The following EXD3 variants were observed in gnomAD, a reference collection of about 807,000 sequenced individuals.
EXD3 encodes the protein exonuclease 3'-5' domain containing 3, also known as exonuclease mut-7 homolog.
Under a neutral mutation model 98.0 loss-of-function variants are expected in EXD3, and 92 were observed. The observed-to-expected ratio is 0.94, with a 90% CI of 0.79 to 1.12. EXD3 has a LOEUF of 1.12. Ranked by LOEUF, EXD3 falls within the 50% of genes most tolerant of loss-of-function variation. The pLI is 0.00. For synonymous variants in EXD3, 569 were observed against 526.0 expected (o/e 1.08, Z -1.12); for missense variants, 1,222 against 1,191.6 (o/e 1.03, Z -0.38).
chr9:137,397,023 G>C (rs1178276869), intron 1 of EXD3, among the ~76,000 whole-genome samples: 3 of 152,224 alleles, frequency 2.0e-5, no homozygotes, highest in Non-Finnish European at 4.4e-5. Context: ...CTGGGGCAGT[G>C]AGTGTGTGGG....
chr9:137,307,737 C>G, intron 20 of EXD3, 91 bp from the exon 21 acceptor site: 1 of 1,457,404 alleles, frequency 6.9e-7, no homozygotes, highest in South Asian at 1.2e-5. Flanking sequence ...TGCGGCTGAG[C>G]ACAGTCACCT....
At chr9:137,389,558 G>C (rs1031051878) in intron 2 of EXD3, among the ~76,000 whole-genome samples, 1 of 152,204 alleles carries the variant, frequency 6.6e-6, no homozygotes, top group African/African-American at 2.4e-5. Context: ...CAAGGAGGCA[G>C]AGAGGGAAAG....
intron 1 of EXD3, among the ~76,000 whole-genome samples, chr9:137,408,863 A>G (rs1260372253): frequency 6.6e-6 from 1 of 152,200 alleles, no homozygotes; most frequent in East Asian, 1.9e-4. Context: ...TCTCACCATC[A>G]GGCTGGGTCA....
chr9:137,378,391 G>A (rs1836025860), intron 3 of EXD3, among the ~76,000 whole-genome samples: 1 of 151,886 alleles, frequency 6.6e-6, no homozygotes, highest in African/African-American at 2.4e-5. Flanking sequence ...GTATTTTTTG[G>A]TTTAGATGGG....
chr9:137,344,607 G>T (rs10120415), intron 17 of EXD3, among the ~76,000 whole-genome samples: 2,301 of 152,290 alleles, frequency 0.015, 70 homozygotes, highest in African/African-American at 0.052. Flanking sequence ...AGCTTTTCAG[G>T]TTACACTTTT....
At chr9:137,355,963 C>T (rs908071561) in intron 8 of EXD3, among the ~76,000 whole-genome samples, 5 of 152,238 alleles carry the variant, frequency 3.3e-5, no homozygotes, top group African/African-American at 9.6e-5. Flanking sequence ...TGGAGTCCTG[C>T]GGACTTGGAC....
intron 17 of EXD3, among the ~76,000 whole-genome samples, chr9:137,338,730 CAAAA>C (rs773079416): frequency 2.5e-5 from 2 of 80,522 alleles, no homozygotes; most frequent in African/African-American, 8.6e-5. Context: ...ACTAAAAATA[CAAAA>C]AAAAAAAAAA....
intron 17 of EXD3, among the ~76,000 whole-genome samples, chr9:137,333,003 T>C (rs866158168): frequency 6.6e-6 from 1 of 152,178 alleles, no homozygotes; most frequent in Non-Finnish European, 1.5e-5. Flanking sequence ...TTTGAGTCCA[T>C]GGACGGGGAG....
Position 137,349,050 on chromosome 9 carries a change from T to C in EXD3, c.1830+60A>G. ...TGTCTCCATGCAGGTCCTTGGTTTA[T>C]GGACAGGGATCTCCTTCCCCAAGAA... On this transcript the variant is annotated intron_variant, in intron 16 of 21. Coordinates refer to ENST00000340951, the MANE Select transcript of EXD3 (RefSeq NM_017820.5). The surrounding 1 kb of genome is among the most constrained non-coding windows in gnomAD (Gnocchi z 7.4). The C allele has an allele frequency of 6.6e-7, 1 of 1,515,082 alleles. No individual in the cohort carries two copies. Among genetic ancestry groups the C allele is most frequent in the Non-Finnish European group, 8.8e-7 (1 of 1,135,792 alleles). 93.9% of individuals were successfully genotyped at this position (1,515,082 alleles called of 1,614,324 possible). A position where few individuals can be genotyped will look rare whatever the true frequency, so the allele number is the denominator to read the frequency against.
chr9:137,407,082 G>A lies in EXD3; in HGVS notation c.-47-11678C>T, dbSNP rs1013890909. Among the ~76,000 whole-genome samples, 5 of 152,168 alleles carry A rather than the reference G, an allele frequency of 3.3e-5. No homozygotes were observed. Among genetic ancestry groups the A allele is most frequent in the African/African-American group, 9.7e-5 (4 of 41,450 alleles). On this transcript the variant is annotated intron_variant, in intron 1 of 21. Transcript: ENST00000340951. The surrounding 1 kb of genome is among the most constrained non-coding windows in gnomAD (Gnocchi z 4.4). ...CGCCCGTTCACAGAGGCACCGGAGCGGGCGGGCGGGGGCGGCCTGCGGAGC... is the reference window on the plus strand; with the variant it reads ...CGCCCGTTCACAGAGGCACCGGAGCAGGCGGGCGGGGGCGGCCTGCGGAGC...
At chr9:137,420,138 C>T (rs780138631) in intron 1 of EXD3, among the ~76,000 whole-genome samples, 1 of 151,394 alleles carries the variant, frequency 6.6e-6, no homozygotes, top group Non-Finnish European at 1.5e-5. Context: ...CCAGCCTGGG[C>T]GACAGAGGGA....
At chr9:137,337,766 G>A (rs981133811) in intron 17 of EXD3, among the ~76,000 whole-genome samples, 13 of 151,824 alleles carry the variant, frequency 8.6e-5, no homozygotes, top group Non-Finnish European at 1.6e-4. Context: ...GAGCATGACT[G>A]GAAGGGAATA....
intron 1 of EXD3, among the ~76,000 whole-genome samples, chr9:137,400,011 C>G (rs1211456820): frequency 8.3e-6 from 1 of 119,956 alleles, no homozygotes; most frequent in South Asian, 2.6e-4. Flanking sequence ...GCCTGGGTGA[C>G]AGAGCAGAAC....
chr9:137,377,349 G>A (rs1835961375), intron 3 of EXD3: 1 of 152,110 alleles, frequency 6.6e-6, no homozygotes, highest in Non-Finnish European at 1.5e-5. Flanking sequence ...GGAGGCTGAG[G>A]CAGGAGAATC....
chr9:137,322,466 C>T (rs1226983452), intron 19 of EXD3, among the ~76,000 whole-genome samples: 2 of 135,040 alleles, frequency 1.5e-5, no homozygotes. Flanking sequence ...GATGCTCTGC[C>T]GACACCTCAC....
At chr9:137,353,569 A>G (rs927007249) in intron 10 of EXD3, 21 of 985,774 alleles carry the variant, frequency 2.1e-5, no homozygotes, top group African/African-American at 7.0e-5. Flanking sequence ...GAGAAACCTC[A>G]TCCTCACCAG....
intron 3 of EXD3, among the ~76,000 whole-genome samples, chr9:137,376,343 C>CA (rs765888922): frequency 0.046 from 1,806 of 39,526 alleles, 83 homozygotes; most frequent in African/African-American, 0.096. Flanking sequence ...GACTCTGTCT[C>CA]AAAAAAAAAA....
intron 1 of EXD3, 26 bp downstream of exon 1, chr9:137,423,088 G>A (rs1387085930): frequency 1.3e-5 from 2 of 151,732 alleles, no homozygotes; most frequent in East Asian, 1.9e-4. Context: ...CCGCCCACCT[G>A]GCCCGCGCGG....
intron 13 of EXD3, 50 bp downstream of exon 13, chr9:137,351,261 AGGGGTGC>A (rs1834285795): frequency 6.4e-7 from 1 of 1,558,778 alleles, no homozygotes; most frequent in African/African-American, 1.4e-5. Flanking sequence ...AGGGTCAGGC[AGGGGTGC>A]GGGCTGCTTT....
Sources: allele counts gnomAD v4.1 joint callset (sites outside exome capture counted in the v4.1 genomes callset), GRCh38; gene constraint gnomAD v4.1.1; non-coding constraint Gnocchi (gnomAD v3.1); transcripts MANE v1.5; gene names NCBI Gene and HGNC (gene_info 2026-07-23, HGNC 2026-07-21).